PAK5: variants seen among roughly 807,000 people sequenced by gnomAD.
The protein encoded by PAK5 is serine/threonine-protein kinase PAK 5.
PAK5 carries 16 observed loss-of-function variants against 65.9 expected under a neutral mutation model. That is an observed-to-expected ratio of 0.24 (90% CI 0.16 to 0.37). The LOEUF (loss-of-function observed/expected upper bound fraction) is 0.37, where lower values mean the gene tolerates loss of function less well. Among genes scored for constraint, PAK5 ranks in the 10% least tolerant of loss-of-function variants. PAK5 has a pLI of 1.00. For missense variants in PAK5, 785 were observed against 903.9 expected, an observed-to-expected ratio of 0.87 and a Z score of 1.69; for synonymous variants, 371 against 354.9, an observed-to-expected ratio of 1.05 and a Z score of -0.51.
At chr20:9,697,460 C>A (rs993842575) in intron 2 of PAK5, among the ~76,000 whole-genome samples, 12 of 152,050 alleles carry the variant, frequency 7.9e-5, no homozygotes, top group Admixed American at 3.3e-4. Context: ...GTCTTCTAGA[C>A]CCAGTTAAAG....
At chr20:9,831,801 C>A (rs6056917) in intron 1 of PAK5, among the ~76,000 whole-genome samples, 47,756 of 152,104 alleles carry the variant, frequency 0.31, 10,375 homozygotes, top group African/African-American at 0.62. Flanking sequence ...AGCCACCGTG[C>A]CCGGCCTACT....
At chr20:9,672,906 C>A (rs186485420) in intron 2 of PAK5, among the ~76,000 whole-genome samples, 18 of 152,238 alleles carry the variant, frequency 1.2e-4, no homozygotes, top group African/African-American at 4.3e-4. Context: ...ATAAAGGAGG[C>A]AGCAAATGCA....
intron 3 of PAK5, 52 bp downstream of exon 3, chr20:9,644,073 T>G: frequency 7.1e-7 from 1 of 1,403,242 alleles, no homozygotes; most frequent in Admixed American, 1.7e-5. Context: ...TGCAGTGCAT[T>G]AAATAAGAGC....
At chr20:9,828,332 TTCTCTA>T (rs1344546595) in intron 1 of PAK5, among the ~76,000 whole-genome samples, 1 of 152,368 alleles carries the variant, frequency 6.6e-6, no homozygotes, top group East Asian at 1.9e-4. Flanking sequence ...GTTTGTCTGT[TTCTCTA>T]TCTCTAATAC....
At chr20:9,799,939 C>CAA (rs71331383) in intron 1 of PAK5, among the ~76,000 whole-genome samples, 1,224 of 43,570 alleles carry the variant, frequency 0.028, 149 homozygotes, top group Non-Finnish European at 0.038. Flanking sequence ...ACTCTGTCTC[C>CAA]AAAAAAAAAA....
intron 2 of PAK5, among the ~76,000 whole-genome samples, chr20:9,676,219 T>C (rs1703542032): frequency 6.6e-6 from 1 of 152,070 alleles, no homozygotes; most frequent in South Asian, 2.1e-4. Context: ...CCTGCCCCCA[T>C]GATTCAATTA....
chr20:9,635,480 T>C (rs1219342364), intron 3 of PAK5, among the ~76,000 whole-genome samples: 1 of 152,066 alleles, frequency 6.6e-6, no homozygotes, highest in East Asian at 1.9e-4. Context: ...CTCCCCATCA[T>C]GCTCTGCTCT....
intron 1 of PAK5, among the ~76,000 whole-genome samples, chr20:9,733,517 T>C (rs183655954): frequency 4.4e-4 from 67 of 152,172 alleles, no homozygotes; most frequent in African/African-American, 1.5e-3. Context: ...CAATCTTGGT[T>C]CACTGCAACC....
intron 1 of PAK5, among the ~76,000 whole-genome samples, chr20:9,788,079 C>G (rs2049012458): frequency 6.6e-6 from 1 of 151,842 alleles, no homozygotes; most frequent in Non-Finnish European, 1.5e-5. Context: ...TTTGTTTTCT[C>G]TAAACAGAAA....
At chr20:9,787,559 C>A (rs1381387715) in intron 1 of PAK5, among the ~76,000 whole-genome samples, 2 of 151,908 alleles carry the variant, frequency 1.3e-5, no homozygotes, top group Non-Finnish European at 1.5e-5. Context: ...CTCTCTAAGC[C>A]TCAGTTTTTC....
chr20:9,557,849 T>C, intron 6 of PAK5, 115 bp from the exon 7 acceptor site: 1 of 692,828 alleles, frequency 1.4e-6, no homozygotes, highest in East Asian at 2.9e-5. Flanking sequence ...CCAGCCCATA[T>C]CTGAAAAACC....
At chr20:9,755,075 A>G (rs1222463577) in intron 1 of PAK5, among the ~76,000 whole-genome samples, 1 of 152,234 alleles carries the variant, frequency 6.6e-6, no homozygotes, top group Non-Finnish European at 1.5e-5. Context: ...TTTCAATTAC[A>G]GTTACATTAG....
chr20:9,578,149 G>C (rs1176996018), intron 4 of PAK5, among the ~76,000 whole-genome samples: 1 of 152,096 alleles, frequency 6.6e-6, no homozygotes, highest in Admixed American at 6.6e-5. Flanking sequence ...CCAGACTTGA[G>C]TTCTTGTCCT....
intron 3 of PAK5, among the ~76,000 whole-genome samples, chr20:9,602,291 AAAATAAAT>A (rs200878141): frequency 0.039 from 5,534 of 141,870 alleles, 163 homozygotes; most frequent in African/African-American, 0.075. Context: ...CTCTGTCTCA[AAAATAAAT>A]AAATAAATAA....
At chr20:9,665,339 C>A (rs902533338) in intron 2 of PAK5, among the ~76,000 whole-genome samples, 1 of 152,096 alleles carries the variant, frequency 6.6e-6, no homozygotes, top group Non-Finnish European at 1.5e-5. Flanking sequence ...TCCACCCACT[C>A]CCCTGGGCCC....
chr20:9,632,723 CT>C (rs904738840), intron 3 of PAK5, among the ~76,000 whole-genome samples: 6 of 152,184 alleles, frequency 3.9e-5, no homozygotes, highest in African/African-American at 1.4e-4. Context: ...GGAAAAAACA[CT>C]GTGCCTACCT....
chr20:9,628,772 C>T (rs1005365069), intron 3 of PAK5, among the ~76,000 whole-genome samples: 5 of 152,172 alleles, frequency 3.3e-5, no homozygotes, highest in African/African-American at 9.7e-5. Context: ...CCTATCCATG[C>T]TGAAGTTTCC....
Position 9,538,252 on chromosome 20 carries a change from C to T in PAK5, c.*1210G>A. ...TGTCGGAAACACATTATAACATGGG[C>T]ACAACTGAAGTCAGATCATACCTGG... On this transcript the variant is annotated 3_prime_UTR_variant, in exon 10 of 10. Transcript: ENST00000353224. The T allele has an allele frequency of 4.3e-6, 1 of 233,662 alleles. No individual in the cohort carries two copies. 14.5% of individuals were successfully genotyped at this position (233,662 alleles called of 1,614,324 possible).
At chr20:9,703,879 T>G (rs191546733) in intron 2 of PAK5, among the ~76,000 whole-genome samples, 42 of 152,284 alleles carry the variant, frequency 2.8e-4, no homozygotes, top group Non-Finnish European at 5.0e-4. Flanking sequence ...GTTATCAGCA[T>G]GGAGGCAATG....
Sources: allele counts gnomAD v4.1 joint callset (sites outside exome capture counted in the v4.1 genomes callset), GRCh38; gene constraint gnomAD v4.1.1; transcripts MANE v1.5; gene names NCBI Gene and HGNC (gene_info 2026-07-23, HGNC 2026-07-21).